ABI3BP: variants seen among roughly 807,000 people sequenced by gnomAD.
ABI3BP encodes the protein ABI family member 3 binding protein.
In ABI3BP, 216 loss-of-function variants were observed where a neutral mutation model predicts 268.6. That is an observed-to-expected ratio of 0.80 (90% CI 0.72 to 0.90). The LOEUF (loss-of-function observed/expected upper bound fraction) is 0.90. Ranked by LOEUF, ABI3BP falls within the 40% of genes least tolerant of loss-of-function variation. The pLI, the probability that ABI3BP is intolerant of heterozygous loss-of-function variation, is 0.00. For synonymous variants in ABI3BP, 730 were observed against 730.0 expected (o/e 1.00, Z 0.00); for missense variants, 2,090 against 2,182.4 (o/e 0.96, Z 0.84).
At chr3:100,813,620 A>C in intron 45 of ABI3BP, 41 bp downstream of exon 45, 1 of 1,456,164 alleles carries the variant, frequency 6.9e-7, no homozygotes, top group Non-Finnish European at 9.3e-7. Context: ...ATGCCTCTTA[A>C]AGCACACAGT....
intron 63 of ABI3BP, 56 bp from the exon 64 acceptor site, chr3:100,754,747 A>C: frequency 2.2e-6 from 3 of 1,390,958 alleles, no homozygotes; most frequent in Non-Finnish European, 3.0e-6. Flanking sequence ...GCTAGGAGGC[A>C]ACATTGCCCT....
chr3:100,921,307 CTG>C (rs2060144851), intron 2 of ABI3BP, among the ~76,000 whole-genome samples: 1 of 152,226 alleles, frequency 6.6e-6, no homozygotes, highest in Admixed American at 6.5e-5. Flanking sequence ...CACCACATAA[CTG>C]TGGCTGTAGG....
At position 100,749,684 on chromosome 3, in the gene ABI3BP, G is replaced by A. The variant is rs1488351282; in HGVS notation, c.*811C>T. The A allele has an allele frequency of 2.5e-6, 1 of 398,292 alleles. No homozygotes were observed. Among genetic ancestry groups the A allele is most frequent in the African/African-American group, 2.1e-5 (1 of 48,530 alleles). The allele number at this position is 398,292 out of a possible 1,614,324, so 24.7% of individuals were successfully genotyped here. On this transcript the variant is annotated 3_prime_UTR_variant, in exon 68 of 68. Transcript: ENST00000471714. ...GCATTATCTTTTTGTGCTCAGACTT[G>A]ACTTCACATTCAGTCTCTACATACA...
intron 64 of ABI3BP, among the ~76,000 whole-genome samples, chr3:100,754,112 C>T (rs2149298627): frequency 6.6e-6 from 1 of 152,320 alleles, no homozygotes; most frequent in African/African-American, 2.4e-5. Flanking sequence ...CCAGCTTTCA[C>T]TTGAATTTCA....
At chr3:100,851,355 C>A (rs1001739106) in intron 15 of ABI3BP, among the ~76,000 whole-genome samples, 1 of 152,150 alleles carries the variant, frequency 6.6e-6, no homozygotes, top group Non-Finnish European at 1.5e-5. Flanking sequence ...CACGTTAGCA[C>A]TATTGACAAT....
chr3:100,978,584 T>TA (rs1364980292), intron 1 of ABI3BP, among the ~76,000 whole-genome samples: 1 of 152,108 alleles, frequency 6.6e-6, no homozygotes, highest in Non-Finnish European at 1.5e-5. Flanking sequence ...CTAGCTATGG[T>TA]AAAAAATAGT....
intron 2 of ABI3BP, among the ~76,000 whole-genome samples, chr3:100,904,879 A>C (rs1189733585): frequency 1.3e-5 from 2 of 152,234 alleles, no homozygotes; most frequent in South Asian, 2.1e-4. Context: ...TAGAACTAGA[A>C]ATACCATTTG....
At chr3:100,910,559 A>T (rs188860199) in intron 2 of ABI3BP, among the ~76,000 whole-genome samples, 18 of 151,262 alleles carry the variant, frequency 1.2e-4, no homozygotes, top group Admixed American at 2.0e-4. Context: ...AAAAAAAAAT[A>T]GAGATGGGTC....
Position 100,767,088 on chromosome 3 carries a change from G to A in ABI3BP, c.4742-1139C>T, listed in dbSNP as rs141968425. On this transcript the variant is annotated intron_variant, in intron 62 of 67. Coordinates refer to ENST00000471714, the MANE Select transcript of ABI3BP (RefSeq NM_001375547.2). ...TGCTATCCTCCCACCTCAGCCTCCCGAGTAGCGCACCACCACACCCAGCTA... is the reference window on the plus strand; with the variant it reads ...TGCTATCCTCCCACCTCAGCCTCCCAAGTAGCGCACCACCACACCCAGCTA... Among the ~76,000 whole-genome samples the A allele has an allele frequency of 4.1e-3, 625 of 152,104 alleles. 5 individuals are homozygous for A. Among genetic ancestry groups the A allele is most frequent in the Non-Finnish European group, 5.0e-3 (339 of 67,992 alleles).
chr3:100,936,173 GT>G (rs141489904), intron 1 of ABI3BP, among the ~76,000 whole-genome samples: 18,134 of 152,162 alleles, frequency 0.12, 1,360 homozygotes, highest in Middle Eastern at 0.2. Flanking sequence ...TTTATTGAGA[GT>G]TTTTAGCATG....
chr3:100,913,637 A>G (rs776957790), intron 2 of ABI3BP, among the ~76,000 whole-genome samples: 7 of 152,350 alleles, frequency 4.6e-5, no homozygotes, highest in Admixed American at 1.3e-4. Context: ...AAGTAGCATA[A>G]GTAATGTCAA....
chr3:100,806,002 G>A (rs2097694652), intron 50 of ABI3BP, among the ~76,000 whole-genome samples: 1 of 151,796 alleles, frequency 6.6e-6, no homozygotes, highest in South Asian at 2.1e-4. Flanking sequence ...AAAATTCTAG[G>A]TATACAATTA....
At chr3:100,797,606 T>A (rs2097386858) in intron 51 of ABI3BP, among the ~76,000 whole-genome samples, 1 of 151,742 alleles carries the variant, frequency 6.6e-6, no homozygotes, top group South Asian at 2.1e-4. Context: ...AGCACCACTT[T>A]ACCATTAGTG....
chr3:100,826,584 G>T, intron 34 of ABI3BP, among the ~76,000 whole-genome samples: 1 of 152,140 alleles, frequency 6.6e-6, no homozygotes, highest in Non-Finnish European at 1.5e-5. Flanking sequence ...GCTGAATAAA[G>T]AAAACATGTA....
chr3:100,846,429 A>G lies in ABI3BP; in HGVS notation c.1666T>C (p.Phe556Leu), dbSNP rs1013567990. Residue 556 changes from phenylalanine to leucine, a missense_variant, in exon 20 of 68, where the codon TTT (phenylalanine) becomes CTT (leucine). Coordinates refer to ENST00000471714, the MANE Select transcript of ABI3BP (RefSeq NM_001375547.2). ...GGGATTTTAGGTTTCAGAGAAATAA[A>G]TTGTGTTTTACCGGGAGCTGGAAAA... ...WTTPAPGKTQ[F>L]ISLKPKIPLS... 1 of 1,597,220 alleles carries G rather than the reference A, an allele frequency of 6.3e-7. No homozygotes were observed.
At chr3:100,851,484 T>C (rs1454806599) in intron 15 of ABI3BP, among the ~76,000 whole-genome samples, 1 of 152,200 alleles carries the variant, frequency 6.6e-6, no homozygotes, top group Non-Finnish European at 1.5e-5. Flanking sequence ...CAACCAAAAC[T>C]GTCTCCACAT....
chr3:100,796,337 T>C lies in ABI3BP; in HGVS notation c.3817+72A>G. 6.4e-6 allele frequency: 8 copies of C among 1,247,686 alleles called. No individual in the cohort carries two copies. In the South Asian group the frequency reaches 6.6e-5, roughly 10 times the overall value. 77.3% of individuals were successfully genotyped at this position (1,247,686 alleles called of 1,614,324 possible). ...TCTTCCATATCACAACCATTAAAAA[T>C]ATATTTACTTCAAGAATTTTTTTTT... is the stretch of plus-strand genomic sequence containing the variant. On this transcript the variant is annotated intron_variant, in intron 52 of 67. Transcript: ENST00000471714.
At chr3:100,837,327 C>T (rs2098609728) in intron 26 of ABI3BP, 156 bp from the exon 27 acceptor site, 6 of 495,468 alleles carry the variant, frequency 1.2e-5, no homozygotes, top group Admixed American at 4.1e-5. Flanking sequence ...ATGTGAGATG[C>T]TTCTTAGCAA....
intron 51 of ABI3BP, 50 bp downstream of exon 51, chr3:100,804,742 G>A (rs1161351951): frequency 2.7e-6 from 4 of 1,502,554 alleles, no homozygotes; most frequent in South Asian, 1.1e-5. Flanking sequence ...CACTGAAGCA[G>A]AGTGGGACAG....
Sources: gnomAD v4.1 joint callset for allele counts (sites outside exome capture counted in the v4.1 genomes callset) on GRCh38, gnomAD v4.1.1 for gene constraint, MANE v1.5 for transcripts, NCBI Gene and HGNC (gene_info 2026-07-23, HGNC 2026-07-21) for gene names.